SMAD6: variants seen among roughly 807,000 people sequenced by gnomAD.
The protein encoded by SMAD6 is SMAD family member 6, also known as MAD homolog 6.
SMAD6 carries 103 observed loss-of-function variants against 39.4 expected under a neutral mutation model. That is an observed-to-expected ratio of 2.62 (90% CI 2.23 to 3.08). The LOEUF is 3.08. Ranked by LOEUF, SMAD6 falls within the 30% of genes most tolerant of loss-of-function variation. SMAD6 has a pLI of 0.00. For synonymous variants in SMAD6, 445 were observed against 353.3 expected (o/e 1.26, Z -2.91); for missense variants, 1,104 against 742.9 (o/e 1.49, Z -5.65).
chr15:66,766,021 G>A (rs536778765), intron 3 of SMAD6, among the ~76,000 whole-genome samples: 1 of 152,338 alleles, frequency 6.6e-6, no homozygotes, highest in East Asian at 1.9e-4. Context: ...TGAACAAAGA[G>A]TGGTTAACTA....
chr15:66,779,799 G>T (rs1894527122), intron 3 of SMAD6, among the ~76,000 whole-genome samples: 1 of 152,242 alleles, frequency 6.6e-6, no homozygotes, highest in African/African-American at 2.4e-5. Context: ...CACAGGCCCA[G>T]GCCAGAGACC....
intron 3 of SMAD6, among the ~76,000 whole-genome samples, chr15:66,733,029 A>G (rs1893656755): frequency 6.6e-6 from 1 of 151,826 alleles, no homozygotes; most frequent in African/African-American, 2.4e-5. Context: ...TTTTTTTCAT[A>G]TAGAGGTTGT....
At chr15:66,704,099 G>A (rs773837931) in intron 1 of SMAD6, 24 bp downstream of exon 1, 100 of 1,417,536 alleles carry the variant, frequency 7.1e-5, no homozygotes, top group Non-Finnish European at 5.2e-5. Flanking sequence ...GCCGGCCGGG[G>A]GGGCCCCGGG....
At chr15:66,766,564 C>A (rs1404575978) in intron 3 of SMAD6, among the ~76,000 whole-genome samples, 4 of 152,160 alleles carry the variant, frequency 2.6e-5, no homozygotes, top group Non-Finnish European at 5.9e-5. Context: ...CCACAGGAGA[C>A]CCAGTGAGAA....
chr15:66,768,145 A>T (rs909145613), intron 3 of SMAD6, among the ~76,000 whole-genome samples: 2 of 151,290 alleles, frequency 1.3e-5, no homozygotes, highest in African/African-American at 4.9e-5. Context: ...ATAATTTTTT[A>T]TTTTTTTGTA....
intron 3 of SMAD6, among the ~76,000 whole-genome samples, chr15:66,775,490 A>T (rs1008716219): frequency 6.6e-6 from 1 of 152,092 alleles, no homozygotes; most frequent in African/African-American, 2.4e-5. Context: ...TAATGATCTC[A>T]TTGTTCGGAT....
In SMAD6 at chr15:66,758,688, G is replaced by A. The variant is rs543440581; in HGVS notation, c.953-22309G>A. 2.6e-5 allele frequency among the ~76,000 whole-genome samples: 4 copies of A among 151,468 alleles called. No individual in the cohort carries two copies. The South Asian group carries it at 6.2e-4, about 24-fold the overall frequency. ...GTTTGTAGTGAGCTGAGATCGTGCC[G>A]TTGCATTCCAGCCTGGGTGACAGAG... is the stretch of plus-strand genomic sequence containing the variant. On this transcript the variant is annotated intron_variant, in intron 3 of 3. Transcript: ENST00000288840.
At chr15:66,753,852 C>T (rs1894051675) in intron 3 of SMAD6, among the ~76,000 whole-genome samples, 1 of 152,166 alleles carries the variant, frequency 6.6e-6, no homozygotes, top group Admixed American at 6.5e-5. Flanking sequence ...TCAGGGGTGC[C>T]CCAGCTGGAT....
chr15:66,731,393 C>A (rs941607813), intron 3 of SMAD6, among the ~76,000 whole-genome samples: 22 of 150,374 alleles, frequency 1.5e-4, no homozygotes, highest in African/African-American at 5.2e-4. Flanking sequence ...AGCCGAGATC[C>A]CGCCACTGCA....
At chr15:66,757,071 G>A (rs1328757295) in intron 3 of SMAD6, among the ~76,000 whole-genome samples, 3 of 152,178 alleles carry the variant, frequency 2.0e-5, no homozygotes, top group African/African-American at 7.2e-5. Context: ...GTGTCCTGAG[G>A]ACATGGCTTA....
chr15:66,716,334 G>A (rs147395690), intron 2 of SMAD6, 87 bp from the exon 3 acceptor site: 1 of 927,616 alleles, frequency 1.1e-6, no homozygotes, highest in Non-Finnish European at 1.8e-6. Flanking sequence ...CCACACACGT[G>A]CACATGTACA....
At chr15:66,738,786 A>T (rs1893760503) in intron 3 of SMAD6, among the ~76,000 whole-genome samples, 1 of 151,948 alleles carries the variant, frequency 6.6e-6, no homozygotes, top group Non-Finnish European at 1.5e-5. Context: ...GCTGAAATGG[A>T]GGAGGGATGC....
intron 3 of SMAD6, among the ~76,000 whole-genome samples, chr15:66,721,271 C>T (rs1215685152): frequency 6.6e-6 from 1 of 152,122 alleles, no homozygotes; most frequent in Non-Finnish European, 1.5e-5. Context: ...TGCCCATTTC[C>T]GGGGTCCGTT....
At chr15:66,743,153 C>G (rs2140638726) in intron 3 of SMAD6, among the ~76,000 whole-genome samples, 1 of 152,252 alleles carries the variant, frequency 6.6e-6, no homozygotes, top group South Asian at 2.1e-4. Flanking sequence ...AGCCAGAGAC[C>G]CCTCCGGTAC....
intron 3 of SMAD6, among the ~76,000 whole-genome samples, chr15:66,756,045 C>A (rs893211926): frequency 7.0e-6 from 1 of 143,278 alleles, no homozygotes. Flanking sequence ...AAAAAAAAAA[C>A]TAATTAGAGG....
chr15:66,771,639 C>G (rs2140670134), intron 3 of SMAD6, among the ~76,000 whole-genome samples: 1 of 152,240 alleles, frequency 6.6e-6, no homozygotes, highest in South Asian at 2.1e-4. Context: ...TGAGGCAGCA[C>G]CAAGGTGGGC....
chr15:66,708,911 A>G (rs1301198927), intron 1 of SMAD6, among the ~76,000 whole-genome samples: 1 of 152,272 alleles, frequency 6.6e-6, no homozygotes, highest in African/African-American at 2.4e-5. Context: ...TTTAAAAAGG[A>G]TGAATCTTAG....
intron 3 of SMAD6, among the ~76,000 whole-genome samples, chr15:66,728,314 C>T (rs1893559138): frequency 6.6e-6 from 1 of 152,194 alleles, no homozygotes; most frequent in Non-Finnish European, 1.5e-5. Flanking sequence ...GGTTTTTGAA[C>T]CCGATGCACA....
intron 3 of SMAD6, among the ~76,000 whole-genome samples, chr15:66,744,178 CTATT>C (rs1893866294): frequency 6.6e-6 from 1 of 152,296 alleles, no homozygotes; most frequent in Admixed American, 6.5e-5. Context: ...CAACCCTTTG[CTATT>C]TCCAAACCAC....
Sources: gnomAD v4.1 joint callset for allele counts (sites outside exome capture counted in the v4.1 genomes callset) on GRCh38, gnomAD v4.1.1 for gene constraint, MANE v1.5 for transcripts, NCBI Gene and HGNC (gene_info 2026-07-23, HGNC 2026-07-21) for gene names.